The following ACOT7 variants were observed in gnomAD, a reference collection of about 807,000 sequenced individuals.
ACOT7 encodes acyl-CoA thioesterase 7, also known as cytosolic acyl coenzyme A thioester hydrolase.
Under a neutral mutation model 40.2 loss-of-function variants are expected in ACOT7, and 12 were observed. The observed-to-expected ratio is 0.30, with a 90% confidence interval of 0.19 to 0.48. The LOEUF is 0.48. ACOT7 is among the 20% of genes least tolerant of loss of function. The pLI is 0.99. For synonymous variants in ACOT7, 228 were observed against 219.5 expected (o/e 1.04, Z -0.34); for missense variants, 395 against 530.8 (o/e 0.74, Z 2.51).
chr1:6,377,334 G>A (rs565341229), intron 1 of ACOT7, among the ~76,000 whole-genome samples: 23 of 152,142 alleles, frequency 1.5e-4, no homozygotes, highest in East Asian at 9.7e-4. Context: ...CCAAGAGTTC[G>A]AGACCAGCCT....
At position 6,288,772 on chromosome 1, in the gene ACOT7, C is replaced by T. The variant is rs563368991; in HGVS notation, c.829+6092G>A. On this transcript the variant is annotated intron_variant, in intron 7 of 8. Coordinates refer to ENST00000361521, the MANE Select transcript of ACOT7 (RefSeq NM_007274.4). The surrounding 1 kb of genome is among the most constrained non-coding windows in gnomAD (Gnocchi z 4.3). ...CCGCGGGTGAGGCCTCTCCCAGCCACGACAAGTGCCCCAAGTTCGTAAGTT... is the reference window on the plus strand; with the variant it reads ...CCGCGGGTGAGGCCTCTCCCAGCCATGACAAGTGCCCCAAGTTCGTAAGTT... Among the ~76,000 whole-genome samples, 11 of 152,300 alleles carry T rather than the reference C, an allele frequency of 7.2e-5. No homozygotes were observed. Among genetic ancestry groups the T allele is most frequent in the Non-Finnish European group, 7.4e-5 (5 of 68,026 alleles).
At chr1:6,273,433 A>G (rs1333115115) in intron 8 of ACOT7, among the ~76,000 whole-genome samples, 1 of 152,136 alleles carries the variant, frequency 6.6e-6, no homozygotes, top group African/African-American at 2.4e-5. Context: ...CCATCACAAG[A>G]CTGACTCCCG....
At chr1:6,305,274 C>T (rs1223737624) in intron 6 of ACOT7, among the ~76,000 whole-genome samples, 17 of 135,076 alleles carry the variant, frequency 1.3e-4, no homozygotes, top group African/African-American at 3.2e-4. Flanking sequence ...CCCTCCCGGA[C>T]GGGGCGGCTG....
At chr1:6,351,046 T>C (rs1483033264) in intron 1 of ACOT7, among the ~76,000 whole-genome samples, 1 of 152,236 alleles carries the variant, frequency 6.6e-6, no homozygotes, top group Non-Finnish European at 1.5e-5. Flanking sequence ...AGGAGAATTT[T>C]TCCCTTTTTG....
chr1:6,375,368 TA>T (rs954958023), intron 1 of ACOT7, among the ~76,000 whole-genome samples: 21 of 149,006 alleles, frequency 1.4e-4, no homozygotes, highest in African/African-American at 4.4e-4. Flanking sequence ...AAAGAAATCT[TA>T]AAACTCAACA....
intron 5 of ACOT7, among the ~76,000 whole-genome samples, chr1:6,326,094 C>T (rs1640790450): frequency 6.6e-6 from 1 of 152,122 alleles, no homozygotes; most frequent in Admixed American, 6.5e-5. Flanking sequence ...GCTGCCATCC[C>T]GCATGAGGTA....
intron 1 of ACOT7, among the ~76,000 whole-genome samples, chr1:6,371,552 A>G (rs1303356488): frequency 1.3e-5 from 2 of 151,750 alleles, no homozygotes; most frequent in Admixed American, 6.6e-5. Flanking sequence ...TAGTAGAGAC[A>G]GGGTTTTGCC....
chr1:6,347,582 C>A (rs964167537), intron 2 of ACOT7, among the ~76,000 whole-genome samples: 1 of 152,064 alleles, frequency 6.6e-6, no homozygotes, highest in African/African-American at 2.4e-5. Flanking sequence ...CTGGCCAACA[C>A]GGTGAAACCC....
At chr1:6,281,347 C>T in intron 7 of ACOT7, 61 bp from the exon 8 acceptor site, 1 of 1,498,290 alleles carries the variant, frequency 6.7e-7, no homozygotes. Context: ...GCGGGGGACA[C>T]TGGCGTTTCT....
At chr1:6,287,251 C>T (rs1033696441) in intron 7 of ACOT7, among the ~76,000 whole-genome samples, 4 of 152,206 alleles carry the variant, frequency 2.6e-5, no homozygotes, top group Admixed American at 6.5e-5. Flanking sequence ...CCTGACGGGG[C>T]GGATGCCAGG....
intron 7 of ACOT7, among the ~76,000 whole-genome samples, chr1:6,285,336 C>T (rs527508232): frequency 2.0e-5 from 3 of 152,300 alleles, no homozygotes; most frequent in Non-Finnish European, 2.9e-5. Flanking sequence ...CCCTGCTGGC[C>T]GGTACTTCCT....
intron 8 of ACOT7, among the ~76,000 whole-genome samples, chr1:6,268,239 A>C (rs1638910256): frequency 6.6e-6 from 1 of 152,178 alleles, no homozygotes; most frequent in South Asian, 2.1e-4. Context: ...ATGTAATTAC[A>C]TCTCAGTAAA....
chr1:6,270,954 G>C (rs1397236943), intron 8 of ACOT7, among the ~76,000 whole-genome samples: 3 of 152,188 alleles, frequency 2.0e-5, no homozygotes, highest in African/African-American at 7.2e-5. Context: ...AGGGTCCCAA[G>C]GTAGCAGGTT....
At chr1:6,391,814 T>C (rs971998554) in intron 1 of ACOT7, among the ~76,000 whole-genome samples, 2 of 152,198 alleles carry the variant, frequency 1.3e-5, no homozygotes, top group African/African-American at 2.4e-5. Flanking sequence ...TCCCAGGGAA[T>C]TGGGCAAACC....
intron 3 of ACOT7, among the ~76,000 whole-genome samples, chr1:6,336,908 TCA>T (rs1217938471): frequency 2.0e-5 from 3 of 152,012 alleles, no homozygotes; most frequent in Non-Finnish European, 4.4e-5. Flanking sequence ...AGACTCGCAG[TCA>T]CAGAGTGAGA....
intron 1 of ACOT7, among the ~76,000 whole-genome samples, chr1:6,363,984 G>C (rs1364379606): frequency 6.6e-6 from 1 of 152,052 alleles, no homozygotes; most frequent in Non-Finnish European, 1.5e-5. Flanking sequence ...GAGGTGGTAG[G>C]ATCACTTGAG....
chr1:6,319,502 AT>A (rs1640586276), intron 5 of ACOT7, among the ~76,000 whole-genome samples: 1 of 152,218 alleles, frequency 6.6e-6, no homozygotes, highest in Non-Finnish European at 1.5e-5. Flanking sequence ...CCAATATATA[AT>A]TTTTGAAAAG....
At chr1:6,309,999 A>C (rs879378444) in intron 6 of ACOT7, among the ~76,000 whole-genome samples, 1 of 152,172 alleles carries the variant, frequency 6.6e-6, no homozygotes, top group Middle Eastern at 3.2e-3. Flanking sequence ...CAGAGAGTTT[A>C]GGTTAGGTGA....
chr1:6,297,888 C>A (rs2148398682), intron 6 of ACOT7, among the ~76,000 whole-genome samples: 1 of 152,258 alleles, frequency 6.6e-6, no homozygotes, highest in Non-Finnish European at 1.5e-5. Flanking sequence ...CTACACTCTG[C>A]TTTTGTGTAT....
Sources: allele counts gnomAD v4.1 joint callset (sites outside exome capture counted in the v4.1 genomes callset), GRCh38; gene constraint gnomAD v4.1.1; non-coding constraint Gnocchi (gnomAD v3.1); transcripts MANE v1.5; gene names NCBI Gene and HGNC (gene_info 2026-07-23, HGNC 2026-07-21).